CDK19: variants seen among roughly 807,000 people sequenced by gnomAD.
CDK19 encodes cyclin-dependent kinase 19.
In CDK19, 20 loss-of-function variants were observed where a neutral mutation model predicts 68.3. That is an observed-to-expected ratio of 0.29 (90% CI 0.21 to 0.43). The LOEUF (loss-of-function observed/expected upper bound fraction) is 0.43. Ranked by LOEUF, CDK19 falls within the 20% of genes least tolerant of loss-of-function variation. The pLI is 1.00. For synonymous variants in CDK19, 221 were observed against 222.8 expected, an observed-to-expected ratio of 0.99 and a Z score of 0.07; for missense variants, 339 against 623.5, an observed-to-expected ratio of 0.54 and a Z score of 4.86.
At chr6:110,748,008 G>A (rs935145319) in intron 1 of CDK19, among the ~76,000 whole-genome samples, 2 of 152,106 alleles carry the variant, frequency 1.3e-5, no homozygotes, top group African/African-American at 4.8e-5. Context: ...TATCTATCAG[G>A]TATCTATTGC....
intron 8 of CDK19, among the ~76,000 whole-genome samples, chr6:110,624,734 G>C (rs79087935): frequency 6.6e-6 from 1 of 152,022 alleles, no homozygotes; most frequent in Non-Finnish European, 1.5e-5. Flanking sequence ...CTACTGGTAC[G>C]GGTATTACTT....
intron 2 of CDK19, among the ~76,000 whole-genome samples, chr6:110,693,049 C>T (rs2114591811): frequency 6.6e-6 from 1 of 152,022 alleles, no homozygotes; most frequent in East Asian, 1.9e-4. Context: ...AAAGATATTC[C>T]ACACAAATGT....
chr6:110,738,478 C>T (rs1312019025), intron 2 of CDK19, among the ~76,000 whole-genome samples: 8 of 152,016 alleles, frequency 5.3e-5, no homozygotes, highest in African/African-American at 1.7e-4. Flanking sequence ...CGAGATCGCG[C>T]CACTGCACTC....
At chr6:110,646,431 G>T in intron 4 of CDK19, 1 of 1,499,170 alleles carries the variant, frequency 6.7e-7, no homozygotes, top group Non-Finnish European at 8.9e-7. Flanking sequence ...TTCCCGCGCC[G>T]CAGCTACCCC....
intron 2 of CDK19, among the ~76,000 whole-genome samples, chr6:110,679,688 C>T (rs1562190135): frequency 6.6e-6 from 1 of 152,090 alleles, no homozygotes; most frequent in Admixed American, 6.6e-5. Flanking sequence ...ACCTGTATAA[C>T]AGTCATAATT....
At chr6:110,689,772 C>T (rs1275511710) in intron 2 of CDK19, among the ~76,000 whole-genome samples, 1 of 152,084 alleles carries the variant, frequency 6.6e-6, no homozygotes. Context: ...CAGGTCACAT[C>T]ACTGGATTCT....
At chr6:110,695,969 A>C (rs1375501748) in intron 2 of CDK19, among the ~76,000 whole-genome samples, 1 of 152,246 alleles carries the variant, frequency 6.6e-6, no homozygotes, top group African/African-American at 2.4e-5. Context: ...AAAGATAGAC[A>C]AAGAGGAAAT....
intron 4 of CDK19, among the ~76,000 whole-genome samples, chr6:110,644,345 A>G (rs945782152): frequency 2.0e-5 from 3 of 152,034 alleles, no homozygotes; most frequent in Admixed American, 2.0e-4. Context: ...GAGTAGAAAT[A>G]TGGTTACCAG....
chr6:110,751,726 TTA>T (rs1215394242), intron 1 of CDK19, among the ~76,000 whole-genome samples: 1 of 152,158 alleles, frequency 6.6e-6, no homozygotes, highest in Non-Finnish European at 1.5e-5. Context: ...TTTCTAAACC[TTA>T]TGAGTCAAAT....
intron 2 of CDK19, among the ~76,000 whole-genome samples, chr6:110,688,795 A>G (rs992760065): frequency 6.6e-6 from 1 of 152,196 alleles, no homozygotes; most frequent in Non-Finnish European, 1.5e-5. Flanking sequence ...GACCTCGTGG[A>G]AGTCAGCCAG....
intron 2 of CDK19, among the ~76,000 whole-genome samples, chr6:110,731,769 T>G (rs1776778935): frequency 6.6e-6 from 1 of 152,144 alleles, no homozygotes; most frequent in Non-Finnish European, 1.5e-5. Context: ...ATTCAATCTA[T>G]CCTATTTGCA....
At chr6:110,763,746 C>A (rs1053563658) in intron 1 of CDK19, among the ~76,000 whole-genome samples, 10 of 152,048 alleles carry the variant, frequency 6.6e-5, no homozygotes, top group African/African-American at 2.4e-4. Context: ...ACATAGACTG[C>A]AAGTCTTAGC....
chr6:110,786,598 C>G (rs547430420), intron 1 of CDK19, among the ~76,000 whole-genome samples: 1 of 151,846 alleles, frequency 6.6e-6, no homozygotes, highest in Admixed American at 6.6e-5. Context: ...CATAGGGTAC[C>G]GCGTGTAATG....
chr6:110,659,919 G>A (rs922940205), intron 4 of CDK19, among the ~76,000 whole-genome samples: 3 of 152,134 alleles, frequency 2.0e-5, no homozygotes, highest in Non-Finnish European at 4.4e-5. Context: ...TATATGAAAG[G>A]TGGGGACTTT....
intron 1 of CDK19, among the ~76,000 whole-genome samples, chr6:110,801,468 G>A (rs1025493482): frequency 1.3e-5 from 2 of 152,112 alleles, no homozygotes; most frequent in African/African-American, 4.8e-5. Flanking sequence ...CTCAGTGACA[G>A]AGCAAAACTC....
intron 1 of CDK19, among the ~76,000 whole-genome samples, chr6:110,805,318 A>G (rs927575203): frequency 2.0e-5 from 3 of 152,190 alleles, no homozygotes; most frequent in African/African-American, 4.8e-5. Flanking sequence ...CTAATATTAT[A>G]TAGTCACAAC....
In CDK19 at chr6:110,632,146, G is replaced by A; in HGVS notation, c.530C>T (p.Ala177Val). The change falls in exon 6 of 13, where the codon GCC becomes GTC. Residue 177 changes from alanine to valine, a missense_variant. Transcript: ENST00000368911. ...CTTTAGAGGAGAATTGAATAATCTG[G>A]CAAAACCCATGTCAGCTAAAAAAAT... is the stretch of plus-strand genomic sequence containing the variant. ...GRVKIADMGF[A>V]RLFNSPLKPL... is the part of the protein sequence containing the mutation. The A allele has an allele frequency of 6.2e-7, 1 of 1,603,026 alleles. No individual in the cohort carries two copies. Among genetic ancestry groups the A allele is most frequent in the Non-Finnish European group, 8.5e-7 (1 of 1,177,142 alleles).
chr6:110,782,875 T>C (rs1780922206), intron 1 of CDK19, among the ~76,000 whole-genome samples: 1 of 152,196 alleles, frequency 6.6e-6, no homozygotes, highest in Non-Finnish European at 1.5e-5. Flanking sequence ...CTTGCTGTTG[T>C]TCTTTCCTCC....
chr6:110,794,651 C>T (rs1583118302), intron 1 of CDK19, among the ~76,000 whole-genome samples: 1 of 151,746 alleles, frequency 6.6e-6, no homozygotes, highest in East Asian at 2.0e-4. Context: ...GATCCACCCG[C>T]CTCAGCCTCC....
Sources: allele counts gnomAD v4.1 joint callset (sites outside exome capture counted in the v4.1 genomes callset), GRCh38; gene constraint gnomAD v4.1.1; transcripts MANE v1.5; gene names NCBI Gene and HGNC (gene_info 2026-07-23, HGNC 2026-07-21).